The following ABHD6 variants were observed in gnomAD, a reference collection of about 807,000 sequenced individuals.
ABHD6 encodes the protein monoacylglycerol lipase ABHD6.
In ABHD6, 33 loss-of-function variants were observed where a neutral mutation model predicts 38.8. The ratio of observed to expected loss-of-function variants is 0.85; its 90% CI spans 0.64 to 1.14. The LOEUF is 1.14. Among genes scored for constraint, ABHD6 ranks in the 50% most tolerant of loss-of-function variants. The probability of loss-of-function intolerance (pLI) is 0.00; values close to 1 mark genes in which losing one functional copy is unlikely to be tolerated. For synonymous variants in ABHD6, 147 were observed against 161.6 expected, an observed-to-expected ratio of 0.91 and a Z score of 0.69; for missense variants, 380 against 422.6, an observed-to-expected ratio of 0.90 and a Z score of 0.88.
Position 58,285,464 on chromosome 3 carries a change from C to T in ABHD6, c.837+11C>T, listed in dbSNP as rs765632414. The T allele has an allele frequency of 6.2e-7, 1 of 1,609,624 alleles. No homozygotes were observed. The highest frequency in any genetic ancestry group is 2.2e-5 in the East Asian group (1 of 44,858). On this transcript the variant is annotated intron_variant, in intron 9 of 9. Transcript: ENST00000478253. The surrounding 1 kb of genome is among the most constrained non-coding windows in gnomAD (Gnocchi z 4.9). ...GGGAAACAAGACCAGGTATGTAACA[C>T]ATCCCCGCGGCAGTCTGTGCTGGTC...
At position 58,256,738 on chromosome 3, in the gene ABHD6, G is replaced by A. The variant is rs1243142523; in HGVS notation, c.119+33G>A. ...AGTTTTATCATTGATGTTTTCAAGA[G>A]TATCATAATATTGACATCTTCTCTG... is the stretch of plus-strand genomic sequence containing the variant. On this transcript the variant is annotated intron_variant, in intron 3 of 9. Coordinates refer to ENST00000478253, the MANE Select transcript of ABHD6 (RefSeq NM_001320126.2). This position sits in a 1 kb window ranked among gnomAD's most constrained non-coding sequence, Gnocchi z 4.3. 4.0e-6 allele frequency: 6 copies of A among 1,491,650 alleles called. No homozygotes were observed. Among genetic ancestry groups the A allele is most frequent in the Non-Finnish European group, 5.6e-6 (6 of 1,074,264 alleles). 92.4% of individuals were successfully genotyped at this position (1,491,650 alleles called of 1,614,324 possible).
intron 6 of ABHD6, among the ~76,000 whole-genome samples, chr3:58,274,331 C>T (rs1253756072): frequency 2.0e-5 from 3 of 152,210 alleles, no homozygotes; most frequent in African/African-American, 7.2e-5. Context: ...ACATATGAAT[C>T]CCCTGGCAAC....
At chr3:58,286,082 C>T (rs2097456741) in intron 9 of ABHD6, among the ~76,000 whole-genome samples, 2 of 151,648 alleles carry the variant, frequency 1.3e-5, no homozygotes, top group African/African-American at 4.8e-5. Flanking sequence ...TGCAGTGGCA[C>T]AATCTCGGCT....
In ABHD6 at chr3:58,293,471, T is replaced by G; in HGVS notation, c.838-118T>G. The G allele has an allele frequency of 9.1e-7, 1 of 1,095,382 alleles. No homozygotes were observed. The highest frequency in any genetic ancestry group is 1.3e-6 in the Non-Finnish European group (1 of 779,536). 67.9% of individuals were successfully genotyped at this position (1,095,382 alleles called of 1,614,324 possible). A position where few individuals can be genotyped will look rare whatever the true frequency, so the allele number is the denominator to read the frequency against. On this transcript the variant is annotated intron_variant, in intron 9 of 9. Coordinates refer to ENST00000478253, the MANE Select transcript of ABHD6 (RefSeq NM_001320126.2). The surrounding 1 kb of genome is among the most constrained non-coding windows in gnomAD (Gnocchi z 4.4). ...ACACCAAAGGGACTTGGTCCTAAAATTCACATCCTCCTGCCCCACTGACCC... is the reference window on the plus strand; with the variant it reads ...ACACCAAAGGGACTTGGTCCTAAAAGTCACATCCTCCTGCCCCACTGACCC...
intron 7 of ABHD6, among the ~76,000 whole-genome samples, chr3:58,280,291 T>G (rs964561922): frequency 2.9e-4 from 44 of 152,212 alleles, no homozygotes; most frequent in African/African-American, 8.9e-4. Flanking sequence ...TTTGTTTCTT[T>G]TTACTTTTTT....
At chr3:58,270,898 T>C in intron 5 of ABHD6, 34 bp from the exon 6 acceptor site, 1 of 1,579,094 alleles carries the variant, frequency 6.3e-7, no homozygotes. Flanking sequence ...TCTACAGCTG[T>C]ATAACCAAGC....
chr3:58,275,936 G>A (rs913906023), intron 7 of ABHD6, among the ~76,000 whole-genome samples: 2 of 152,144 alleles, frequency 1.3e-5, no homozygotes, highest in African/African-American at 4.8e-5. Flanking sequence ...TCCCTGTAAA[G>A]GACATGAACT....
chr3:58,261,388 T>C (rs2097436816), intron 3 of ABHD6, among the ~76,000 whole-genome samples: 1 of 152,194 alleles, frequency 6.6e-6, no homozygotes, highest in Non-Finnish European at 1.5e-5. Context: ...TTCAGCACTT[T>C]GGGAGGCAGA....
rs911568330 is a variant in ABHD6, at chr3:58,251,042, A to G, written c.-26+1100A>G. 6.6e-5 allele frequency among the ~76,000 whole-genome samples: 10 copies of G among 152,124 alleles called. No individual in the cohort carries two copies. The highest frequency in any genetic ancestry group is 2.4e-4 in the African/African-American group (10 of 41,414). On this transcript the variant is annotated intron_variant, in intron 2 of 9. Transcript: ENST00000478253. The surrounding 1 kb of genome is among the most constrained non-coding windows in gnomAD (Gnocchi z 5.4). ...GTCAGCAGAAATCAGTAAGTCGGCT[A>G]GGTGCAGAAGCTTGCGCCTGTAATC... is the stretch of plus-strand genomic sequence containing the variant.
At chr3:58,270,813 CTT>C in intron 5 of ABHD6, 117 bp from the exon 6 acceptor site, 1 of 1,185,596 alleles carries the variant, frequency 8.4e-7, no homozygotes, top group Non-Finnish European at 1.2e-6. Flanking sequence ...GTTTCAGACT[CTT>C]TAAACAGTAG....
At chr3:58,286,943 T>TA (rs1286207798) in intron 9 of ABHD6, among the ~76,000 whole-genome samples, 3 of 148,972 alleles carry the variant, frequency 2.0e-5, no homozygotes, top group South Asian at 2.1e-4. Context: ...CTTCTATTCT[T>TA]AAAAAAATTT....
chr3:58,267,054 T>G lies in ABHD6; in HGVS notation c.120-135T>G, dbSNP rs1207635918. The G allele has an allele frequency of 2.1e-6, 2 of 956,708 alleles. No homozygotes were observed. The highest frequency in any genetic ancestry group is 3.3e-5 in the African/African-American group (2 of 61,014). The allele number at this position is 956,708 out of a possible 1,614,324, so 59.3% of individuals were successfully genotyped here. On this transcript the variant is annotated intron_variant, in intron 3 of 9. Transcript: ENST00000478253. This position sits in a 1 kb window ranked among gnomAD's most constrained non-coding sequence, Gnocchi z 4.3. ...TAAAGCTCAGGAGGACTCTAGAGACTGATGGAGGACAAGGGCTGGAGAAGT... is the reference window on the plus strand; with the variant it reads ...TAAAGCTCAGGAGGACTCTAGAGACGGATGGAGGACAAGGGCTGGAGAAGT...
rs1323119112 is a variant in ABHD6 at position 58,285,221 on chromosome 3, C to T, written c.736+82C>T. The T allele has an allele frequency of 6.5e-7, 1 of 1,547,062 alleles. No homozygotes were observed. Among genetic ancestry groups the T allele is most frequent in the Non-Finnish European group, 8.9e-7 (1 of 1,119,146 alleles). On this transcript the variant is annotated intron_variant, in intron 8 of 9. Transcript: ENST00000478253. The surrounding 1 kb of genome is among the most constrained non-coding windows in gnomAD (Gnocchi z 4.9). ...TGGCTTTTATTTCTTAAATCTCTGA[C>T]ACTTTGAATGTCTCTTTGGGCCCCT...
intron 7 of ABHD6, among the ~76,000 whole-genome samples, chr3:58,282,091 G>A (rs904535875): frequency 6.6e-6 from 1 of 152,188 alleles, no homozygotes; most frequent in African/African-American, 2.4e-5. Context: ...GTACTTTTGA[G>A]AGAATGTAAG....
intron 2 of ABHD6, among the ~76,000 whole-genome samples, chr3:58,252,769 G>A (rs1191949883): frequency 6.6e-6 from 1 of 152,160 alleles, no homozygotes; most frequent in Non-Finnish European, 1.5e-5. Context: ...GGTTCATAAT[G>A]CTTCAGTTTG....
intron 9 of ABHD6, among the ~76,000 whole-genome samples, chr3:58,286,874 A>ATATATATATG (rs1559784540): frequency 2.2e-5 from 3 of 134,780 alleles, no homozygotes; most frequent in African/African-American, 8.2e-5. Context: ...ATATATGTAT[A>ATATATATATG]TGTATATATA....
At chr3:58,276,370 T>A (rs1334396889) in intron 7 of ABHD6, among the ~76,000 whole-genome samples, 1 of 152,082 alleles carries the variant, frequency 6.6e-6, no homozygotes, top group African/African-American at 2.4e-5. Flanking sequence ...TGACCAGTGA[T>A]GATGAGCAGT....
intron 2 of ABHD6, among the ~76,000 whole-genome samples, chr3:58,252,836 A>C (rs1041185830): frequency 6.6e-6 from 1 of 152,222 alleles, no homozygotes; most frequent in African/African-American, 2.4e-5. Context: ...AAACACCAGC[A>C]TGGCAGGGGA....
At chr3:58,258,461 A>G (rs1199641854) in intron 3 of ABHD6, 13 of 361,864 alleles carry the variant, frequency 3.6e-5, no homozygotes, top group Non-Finnish European at 6.9e-5. Context: ...TGTTGGAATC[A>G]GAAGGTTAAC....
Sources: gnomAD v4.1 joint callset for allele counts (sites outside exome capture counted in the v4.1 genomes callset) on GRCh38, gnomAD v4.1.1 for gene constraint, Gnocchi (gnomAD v3.1) non-coding constraint, MANE v1.5 for transcripts, NCBI Gene and HGNC (gene_info 2026-07-23, HGNC 2026-07-21) for gene names.